Variants in CUBN observed in about 807,000 individuals in gnomAD.
The protein encoded by CUBN is cubilin.
Under a neutral mutation model 405.3 loss-of-function variants are expected in CUBN, and 282 were observed. That is an observed-to-expected ratio of 0.70 (90% CI 0.63 to 0.77). The LOEUF is 0.77. CUBN is among the 30% of genes least tolerant of loss of function. CUBN has a pLI of 0.00. For missense variants in CUBN, 4,514 were observed against 4,475.2 expected, an observed-to-expected ratio of 1.01 and a Z score of -0.25; for synonymous variants, 1,684 against 1,617.0, an observed-to-expected ratio of 1.04 and a Z score of -0.99.
intron 64 of CUBN, among the ~76,000 whole-genome samples, chr10:16,833,848 T>G (rs1034903677): frequency 6.6e-6 from 1 of 152,112 alleles, no homozygotes; most frequent in Non-Finnish European, 1.5e-5. Context: ...GGGCAGCTTA[T>G]TTTGAATGAA....
intron 22 of CUBN, among the ~76,000 whole-genome samples, chr10:17,052,051 G>T (rs971627783): frequency 6.6e-6 from 1 of 152,182 alleles, no homozygotes; most frequent in East Asian, 1.9e-4. Context: ...AGTTGGGGCG[G>T]GGGGGAAGCC....
chr10:17,061,715 G>A (rs1414449532), intron 22 of CUBN, among the ~76,000 whole-genome samples: 2 of 152,078 alleles, frequency 1.3e-5, no homozygotes, highest in Non-Finnish European at 2.9e-5. Flanking sequence ...GTTGTTGTTG[G>A]GATCATCCTT....
At chr10:17,069,369 A>G (rs1373738549) in intron 19 of CUBN, among the ~76,000 whole-genome samples, 1 of 152,238 alleles carries the variant, frequency 6.6e-6, no homozygotes, top group Non-Finnish European at 1.5e-5. Context: ...TTGCTGGATC[A>G]GATAGTATCT....
chr10:17,028,994 G>A (rs895551705), intron 27 of CUBN, among the ~76,000 whole-genome samples: 7 of 152,176 alleles, frequency 4.6e-5, no homozygotes, highest in Admixed American at 6.5e-5. Flanking sequence ...CCTGCCTTTC[G>A]CCAGTCTGAG....
rs1262172903 is a variant in CUBN at position 17,127,994 on chromosome 10, T to C, written c.253-70A>G. 4.4e-6 allele frequency: 5 copies of C among 1,138,764 alleles called. No individual in the cohort carries two copies. The Middle Eastern group carries it at 7.0e-4, about 159-fold the overall frequency. The allele number at this position is 1,138,764 out of a possible 1,614,324, so 70.5% of individuals were successfully genotyped here. A position where few individuals can be genotyped will look rare whatever the true frequency, so the allele number is the denominator to read the frequency against. Reference sequence around the variant, plus strand: ...TATCATATTTATCTTTACAGTAACATAATTAAAAACTTGAGTAGTATTCTA... The same window carrying C: ...TATCATATTTATCTTTACAGTAACACAATTAAAAACTTGAGTAGTATTCTA... On this transcript the variant is annotated intron_variant, in intron 2 of 66. Coordinates refer to ENST00000377833, the MANE Select transcript of CUBN (RefSeq NM_001081.4).
At chr10:16,943,728 A>G (rs970184184) in intron 36 of CUBN, among the ~76,000 whole-genome samples, 1 of 152,170 alleles carries the variant, frequency 6.6e-6, no homozygotes, top group Non-Finnish European at 1.5e-5. Context: ...GGCCCCACCA[A>G]CCAACTCAGT....
chr10:16,961,557 C>A (rs1010837426), intron 31 of CUBN, among the ~76,000 whole-genome samples: 1 of 152,056 alleles, frequency 6.6e-6, no homozygotes, highest in African/African-American at 2.4e-5. Flanking sequence ...TTCTAAAGAA[C>A]GGTAATGTGG....
Position 16,851,367 on chromosome 10 carries a change from T to G in CUBN, c.9531A>C (p.Gly3177=). Residue 3177 remains glycine, a synonymous_variant, in exon 60 of 67, where the codon GGA becomes GGC. Coordinates refer to ENST00000377833, the MANE Select transcript of CUBN (RefSeq NM_001081.4). ...CACAGTTTAAATTCTTGTCATACAT[T>G]CCATTCGAATCAGAATCAGGAGAGG... ...TFASPDSDSN[G]MYDKNLNCVW... 5 of 1,614,114 alleles carry G rather than the reference T, an allele frequency of 3.1e-6. No individual in the cohort carries two copies. The highest frequency in any genetic ancestry group is 4.2e-6 in the Non-Finnish European group (5 of 1,180,006).
chr10:17,051,924 T>G (rs1248719632), intron 22 of CUBN, among the ~76,000 whole-genome samples: 1 of 151,932 alleles, frequency 6.6e-6, no homozygotes, highest in African/African-American at 2.4e-5. Flanking sequence ...TTATGAAAAA[T>G]GTCTAGTAAG....
intron 60 of CUBN, among the ~76,000 whole-genome samples, chr10:16,843,742 C>T (rs995979246): frequency 6.6e-6 from 1 of 152,178 alleles, no homozygotes; most frequent in Non-Finnish European, 1.5e-5. Context: ...TCCAGATCTT[C>T]AAGACATAAG....
In CUBN at chr10:16,840,939, T is replaced by G. The variant is rs2131320444; in HGVS notation, c.9772A>C (p.Ser3258Arg). The G allele has an allele frequency of 1.9e-6, 3 of 1,613,692 alleles. No individual in the cohort carries two copies. The highest frequency in any genetic ancestry group is 2.5e-6 in the Non-Finnish European group (3 of 1,179,732). Reference sequence around the variant, plus strand: ...CCTTCCCTCTCTAATGTTAAGTCACTGATGAATTGAACCGTAAGGAAGTTA... The same window carrying G: ...CCTTCCCTCTCTAATGTTAAGTCACGGATGAATTGAACCGTAAGGAAGTTA... ...SGNFLTVQFI[S>R]DLTLEREGFN... Residue 3258 changes from serine to arginine, a missense_variant, in exon 61 of 67, where the codon AGT becomes CGT. Physicochemically the swap from Ser to Arg is moderately radical, Grantham distance 110. Transcript: ENST00000377833.
At chr10:16,841,131 A>C in intron 60 of CUBN, 84 bp from the exon 61 acceptor site, 1 of 1,153,008 alleles carries the variant, frequency 8.7e-7, no homozygotes, top group Non-Finnish European at 1.3e-6. Context: ...AAGTTGCAAT[A>C]GGTCACGGTA....
intron 33 of CUBN, 116 bp from the exon 34 acceptor site, chr10:16,950,227 A>G: frequency 2.8e-6 from 2 of 707,824 alleles, no homozygotes; most frequent in Non-Finnish European, 5.1e-6. Context: ...AGAAGGAATG[A>G]GTAAGACCTG....
At chr10:17,091,378 C>G (rs982907698) in intron 14 of CUBN, among the ~76,000 whole-genome samples, 1 of 137,152 alleles carries the variant, frequency 7.3e-6, no homozygotes. Context: ...GCTAAGGAAC[C>G]AAGTTATTAA....
intron 55 of CUBN, among the ~76,000 whole-genome samples, chr10:16,890,085 C>T (rs1275549170): frequency 2.0e-5 from 3 of 152,146 alleles, no homozygotes; most frequent in African/African-American, 7.2e-5. Context: ...CTGGTTGTTG[C>T]TAACGAACTA....
rs116004814 is a variant in CUBN, at chr10:17,023,042, C to T, written c.4018-3059G>A. ...GGTCATGAACAGCATAGCATTTTTG[C>T]CTGTCAGCTCTGCAAGATTAAGAAA... is the stretch of plus-strand genomic sequence containing the variant. On this transcript the variant is annotated intron_variant, in intron 27 of 66. Coordinates refer to ENST00000377833, the MANE Select transcript of CUBN (RefSeq NM_001081.4). Among the ~76,000 whole-genome samples, 751 of 152,276 alleles carry T rather than the reference C, an allele frequency of 4.9e-3. 7 individuals are homozygous for T. Among genetic ancestry groups the T allele is most frequent in the African/African-American group, 0.017 (719 of 41,562 alleles).
Position 17,071,231 on chromosome 10 carries a change from A to G in CUBN, c.2625+195T>C, listed in dbSNP as rs185292807. Among the ~76,000 whole-genome samples, 525 of 152,282 alleles carry G rather than the reference A, an allele frequency of 3.4e-3. 3 individuals are homozygous for G. Among genetic ancestry groups the G allele is most frequent in the African/African-American group, 0.012 (492 of 41,558 alleles). On this transcript the variant is annotated intron_variant, in intron 19 of 66. Transcript: ENST00000377833. Reference sequence around the variant, plus strand: ...TTCTCGGGACAAATCTCACTTAATCATGGTATATAAATCCTCTTTTTGTGC... The same window carrying G: ...TTCTCGGGACAAATCTCACTTAATCGTGGTATATAAATCCTCTTTTTGTGC...
At chr10:16,986,564 G>T (rs1370208840) in intron 29 of CUBN, among the ~76,000 whole-genome samples, 1 of 152,140 alleles carries the variant, frequency 6.6e-6, no homozygotes, top group African/African-American at 2.4e-5. Context: ...GAAGCATACC[G>T]ACTGCTTCAG....
intron 59 of CUBN, among the ~76,000 whole-genome samples, chr10:16,856,597 C>A (rs1052709181): frequency 7.9e-5 from 12 of 152,152 alleles, no homozygotes; most frequent in Admixed American, 7.9e-4. Flanking sequence ...ATCTCGAAGG[C>A]TTCAGTGGAG....
Sources: allele counts gnomAD v4.1 joint callset (sites outside exome capture counted in the v4.1 genomes callset), GRCh38; gene constraint gnomAD v4.1.1; transcripts MANE v1.5; gene names NCBI Gene and HGNC (gene_info 2026-07-23, HGNC 2026-07-21).